DNAH9: variants seen among roughly 807,000 people sequenced by gnomAD.
DNAH9 encodes dynein axonemal heavy chain 9.
A neutral mutation model predicts 471.6 loss-of-function variants in DNAH9; 345 were observed. The observed-to-expected ratio is 0.73, with a 90% CI of 0.67 to 0.80. The LOEUF (loss-of-function observed/expected upper bound fraction) is 0.80. Ranked by LOEUF, DNAH9 falls within the 30% of genes least tolerant of loss-of-function variation. The pLI, the probability that DNAH9 is intolerant of heterozygous loss-of-function variation, is 0.00. For synonymous variants in DNAH9, 2,093 were observed against 2,123.6 expected (o/e 0.99, Z 0.40); for missense variants, 5,407 against 5,609.2 (o/e 0.96, Z 1.15).
intron 15 of DNAH9, among the ~76,000 whole-genome samples, chr17:11,668,849 CT>C (rs1329089105): frequency 6.6e-6 from 1 of 151,970 alleles, no homozygotes; most frequent in South Asian, 2.1e-4. Context: ...CAGAATGGGC[CT>C]ATTCAAATGT....
chr17:11,721,987 T>A (rs906712139), intron 27 of DNAH9, among the ~76,000 whole-genome samples: 9 of 152,152 alleles, frequency 5.9e-5, no homozygotes, highest in Non-Finnish European at 1.2e-4. Context: ...GAATGTCAGC[T>A]TTAAAGCCAT....
intron 35 of DNAH9, among the ~76,000 whole-genome samples, chr17:11,762,766 T>TTTTTTTTTG (rs777342371): frequency 2.1e-4 from 18 of 87,310 alleles, no homozygotes; most frequent in East Asian, 5.6e-4. Context: ...GCGTTTTTTT[T>TTTTTTTTTG]TTTGTTTTTT....
intron 48 of DNAH9, among the ~76,000 whole-genome samples, chr17:11,829,842 T>C (rs755501762): frequency 3.9e-5 from 6 of 152,264 alleles, no homozygotes; most frequent in Non-Finnish European, 8.8e-5. Context: ...TATTTTTCTA[T>C]AGCTGAATTC....
rs188575211 is a variant in DNAH9, at chr17:11,694,009, G to A, written c.4745+11G>A. 2.4e-4 allele frequency: 384 copies of A among 1,611,008 alleles called. 2 individuals carry two copies. The highest frequency in any genetic ancestry group is 1.9e-3 in the South Asian group (172 of 90,772). ...GGATATTCAGGGCAGGTGAGGGTCC[G>A]CCCATTACCCCTTCTCTAATAAGAA... On this transcript the variant is annotated intron_variant, in intron 21 of 68. Transcript: ENST00000262442.
chr17:11,715,261 C>T (rs2074939307), intron 26 of DNAH9, among the ~76,000 whole-genome samples: 1 of 152,186 alleles, frequency 6.6e-6, no homozygotes, highest in African/African-American at 2.4e-5. Flanking sequence ...CTGTCGGTTT[C>T]CTACTTTTCA....
chr17:11,940,253 C>T (rs532865536), intron 66 of DNAH9, among the ~76,000 whole-genome samples: 6 of 152,336 alleles, frequency 3.9e-5, no homozygotes, highest in Admixed American at 1.3e-4. Context: ...GCCCCGCATA[C>T]GTCTGTGGAC....
At chr17:11,919,702 G>C (rs1974074457) in intron 61 of DNAH9, among the ~76,000 whole-genome samples, 1 of 152,066 alleles carries the variant, frequency 6.6e-6, no homozygotes, top group African/African-American at 2.4e-5. Context: ...TGGGGTCTTA[G>C]AAAGTTGAGT....
chr17:11,753,528 G>A (rs528634878), intron 33 of DNAH9, among the ~76,000 whole-genome samples: 13 of 152,284 alleles, frequency 8.5e-5, no homozygotes, highest in Admixed American at 3.3e-4. Flanking sequence ...TTAGCTAGGC[G>A]TTGTGGCAAG....
chr17:11,854,107 G>A lies in DNAH9; in HGVS notation c.9612G>A (p.Lys3204=). The change falls in exon 50 of 69, where the codon AAG becomes AAA. Residue 3204 remains lysine, a synonymous_variant. Transcript: ENST00000262442. The part of the protein sequence containing the change: ...VLMAPRGRVP[K]DRSWKAAKVT... ...TGGCTCCCAGGGGTAGGGTGCCCAA[G>A]GACCGGAGCTGGAAGGCTGCTAAGG... 1 of 1,614,168 alleles carries A rather than the reference G, an allele frequency of 6.2e-7. No homozygotes were observed. Among genetic ancestry groups the A allele is most frequent in the South Asian group, 1.1e-5 (1 of 91,084 alleles).
intron 38 of DNAH9, among the ~76,000 whole-genome samples, chr17:11,772,399 C>G (rs1288643577): frequency 6.6e-6 from 1 of 152,172 alleles, no homozygotes; most frequent in Non-Finnish European, 1.5e-5. Flanking sequence ...CCTGACCTGT[C>G]ATTCTCACTC....
chr17:11,722,173 T>C (rs920273814), intron 27 of DNAH9, among the ~76,000 whole-genome samples: 12 of 152,178 alleles, frequency 7.9e-5, no homozygotes, highest in African/African-American at 2.9e-4. Flanking sequence ...CTCACAGCAA[T>C]ATACTCTGTT....
At chr17:11,914,605 A>G (rs532705172) in intron 61 of DNAH9, among the ~76,000 whole-genome samples, 1 of 152,322 alleles carries the variant, frequency 6.6e-6, no homozygotes, top group East Asian at 1.9e-4. Flanking sequence ...GCAGTTTGAT[A>G]GTTTTTCAAG....
intron 8 of DNAH9, 36 bp from the exon 9 acceptor site, chr17:11,636,598 G>T (rs1007827000): frequency 3.1e-6 from 5 of 1,592,598 alleles, no homozygotes; most frequent in Non-Finnish European, 4.3e-6. Context: ...TTTAATCTGT[G>T]ATTTTTTTCC....
chr17:11,651,706 A>G (rs2073509820), intron 13 of DNAH9, among the ~76,000 whole-genome samples: 1 of 152,182 alleles, frequency 6.6e-6, no homozygotes, highest in South Asian at 2.1e-4. Context: ...CTTCTCTGGT[A>G]TCTCTCAATT....
intron 43 of DNAH9, among the ~76,000 whole-genome samples, chr17:11,805,455 G>A (rs1969631008): frequency 6.9e-6 from 1 of 145,518 alleles, no homozygotes; most frequent in Admixed American, 7.0e-5. Flanking sequence ...AGGAGCACAG[G>A]ATTGTAGCCC....
At position 11,756,644 on chromosome 17, in the gene DNAH9, G is replaced by T; in HGVS notation, c.6815G>T (p.Arg2272Leu). The part of the protein sequence containing the change: ...MKLLFEISHL[R>L]TATPATVSRA... ...CTCCTCTTTGAGATCAGCCACCTGC[G>T]CACAGCCACTCCAGCAACTGTCTCT... Residue 2272 changes from arginine (R) to leucine (L), a missense_variant, in exon 34 of 69, where the codon CGC (arginine) becomes CTC (leucine). This residue lies in a region of DNAH9 where 4,636 missense variants were observed against 4,900.3 expected (regional missense o/e 0.95). Transcript: ENST00000262442. 1 of 1,612,742 alleles carries T rather than the reference G, an allele frequency of 6.2e-7. No homozygotes were observed. Among genetic ancestry groups the T allele is most frequent in the Non-Finnish European group, 8.5e-7 (1 of 1,178,878 alleles).
At chr17:11,943,186 A>G (rs1974999453) in intron 67 of DNAH9, among the ~76,000 whole-genome samples, 1 of 151,830 alleles carries the variant, frequency 6.6e-6, no homozygotes, top group African/African-American at 2.4e-5. Flanking sequence ...GAGCCACTGC[A>G]CCTGGCCTAC....
chr17:11,649,276 CTTA>C (rs570536239), intron 12 of DNAH9, among the ~76,000 whole-genome samples: 77 of 152,122 alleles, frequency 5.1e-4, no homozygotes, highest in Admixed American at 2.0e-3. Flanking sequence ...ATTTAAATGT[CTTA>C]TTGTTGGGCA....
At chr17:11,967,554 A>C (rs1242760930) in intron 68 of DNAH9, among the ~76,000 whole-genome samples, 1 of 152,250 alleles carries the variant, frequency 6.6e-6, no homozygotes, top group Non-Finnish European at 1.5e-5. Context: ...GACATATAGA[A>C]AACGAATAGC....
Sources: gnomAD v4.1 joint callset for allele counts (sites outside exome capture counted in the v4.1 genomes callset) on GRCh38, gnomAD v4.1.1 for gene constraint, gnomAD v4.1.1 regional missense constraint, MANE v1.5 for transcripts, NCBI Gene and HGNC (gene_info 2026-07-23, HGNC 2026-07-21) for gene names.